The following CPQ variants were observed in gnomAD, a reference collection of about 807,000 sequenced individuals.
CPQ encodes the protein carboxypeptidase Q.
CPQ carries 37 observed loss-of-function variants against 45.7 expected under a neutral mutation model. The observed-to-expected ratio is 0.81, with a 90% CI of 0.62 to 1.07. The LOEUF is 1.07. CPQ is among the 50% of genes least tolerant of loss of function. The pLI is 0.00. For missense variants in CPQ, 537 were observed against 572.9 expected (o/e 0.94, Z 0.64); for synonymous variants, 186 against 205.8 (o/e 0.90, Z 0.82).
At chr8:97,011,869 A>G (rs773280898) in intron 5 of CPQ, among the ~76,000 whole-genome samples, 3 of 152,092 alleles carry the variant, frequency 2.0e-5, no homozygotes, top group Non-Finnish European at 4.4e-5. Flanking sequence ...CCACTATGCC[A>G]TTACTCTCAT....
At chr8:96,667,566 A>T (rs572880100) in intron 1 of CPQ, among the ~76,000 whole-genome samples, 1 of 151,754 alleles carries the variant, frequency 6.6e-6, no homozygotes, top group African/African-American at 2.4e-5. Flanking sequence ...GGCCAGGCTG[A>T]TCTCAAACTC....
At chr8:96,851,085 A>G (rs1357984692) in intron 3 of CPQ, among the ~76,000 whole-genome samples, 4 of 152,034 alleles carry the variant, frequency 2.6e-5, no homozygotes, top group East Asian at 1.9e-4. Context: ...TGGATGCTTC[A>G]TAAATATCAC....
At chr8:96,744,360 A>C (rs1400669976) in intron 1 of CPQ, among the ~76,000 whole-genome samples, 1 of 152,206 alleles carries the variant, frequency 6.6e-6, no homozygotes, top group African/African-American at 2.4e-5. Flanking sequence ...GCACCCACTG[A>C]CCTGTGCCCA....
At chr8:97,085,121 C>T (rs766221600) in intron 7 of CPQ, among the ~76,000 whole-genome samples, 16 of 152,036 alleles carry the variant, frequency 1.1e-4, no homozygotes, top group Non-Finnish European at 2.2e-4. Context: ...TGGTGGCCCA[C>T]ACCTGTAATA....
At chr8:96,867,343 C>A (rs755165948) in intron 3 of CPQ, among the ~76,000 whole-genome samples, 3 of 152,022 alleles carry the variant, frequency 2.0e-5, no homozygotes, top group Non-Finnish European at 4.4e-5. Flanking sequence ...CTGCTTAACT[C>A]ATCACTATTA....
intron 7 of CPQ, among the ~76,000 whole-genome samples, chr8:97,081,836 T>G (rs560413128): frequency 6.6e-6 from 1 of 152,298 alleles, no homozygotes; most frequent in Non-Finnish European, 1.5e-5. Context: ...GCTCTACTAC[T>G]TTTTAGCTGT....
chr8:97,032,466 G>T (rs1809924023), intron 6 of CPQ, among the ~76,000 whole-genome samples: 1 of 152,184 alleles, frequency 6.6e-6, no homozygotes, highest in Non-Finnish European at 1.5e-5. Flanking sequence ...AGAGGCTAGG[G>T]CATACAGGCA....
chr8:97,003,245 T>TAACC (rs1809315735), intron 5 of CPQ, among the ~76,000 whole-genome samples: 1 of 152,140 alleles, frequency 6.6e-6, no homozygotes, highest in Non-Finnish European at 1.5e-5. Context: ...TTGGGGCATT[T>TAACC]AACCCATTTA....
chr8:97,115,212 G>A (rs780825006), intron 7 of CPQ, among the ~76,000 whole-genome samples: 1 of 152,154 alleles, frequency 6.6e-6, no homozygotes, highest in Non-Finnish European at 1.5e-5. Context: ...ATTGCACAAA[G>A]CTCAAGGTCC....
intron 2 of CPQ, among the ~76,000 whole-genome samples, chr8:96,828,964 C>T (rs1811412052): frequency 6.6e-6 from 1 of 152,076 alleles, no homozygotes; most frequent in African/African-American, 2.4e-5. Context: ...GCAGTCTATG[C>T]TTATGGCTGC....
intron 1 of CPQ, among the ~76,000 whole-genome samples, chr8:96,744,792 T>C (rs750241611): frequency 1.3e-5 from 2 of 152,226 alleles, no homozygotes; most frequent in Non-Finnish European, 1.5e-5. Context: ...TTTAACCAGG[T>C]AATCTAGGCA....
chr8:96,743,095 G>A (rs1041994147), intron 1 of CPQ, among the ~76,000 whole-genome samples: 6 of 152,026 alleles, frequency 3.9e-5, no homozygotes, highest in South Asian at 2.1e-4. Flanking sequence ...CCATTCTCCC[G>A]GTCACTTTCA....
chr8:96,934,245 A>G (rs73698823), intron 4 of CPQ, among the ~76,000 whole-genome samples: 12,151 of 152,214 alleles, frequency 0.08, 939 homozygotes, highest in African/African-American at 0.21. Context: ...TAAGTGAGAG[A>G]AACACACAAC....
intron 2 of CPQ, among the ~76,000 whole-genome samples, chr8:96,816,839 G>C (rs922233696): frequency 2.6e-5 from 4 of 152,074 alleles, no homozygotes; most frequent in Non-Finnish European, 5.9e-5. Context: ...CATCTCAAGA[G>C]TGGGCTTAAA....
At chr8:97,126,329 T>C (rs1811847436) in intron 7 of CPQ, among the ~76,000 whole-genome samples, 1 of 152,226 alleles carries the variant, frequency 6.6e-6, no homozygotes, top group African/African-American at 2.4e-5. Flanking sequence ...CAGATGTACT[T>C]ACAGAAGTAA....
chr8:96,871,303 G>A (rs1812064192), intron 3 of CPQ, among the ~76,000 whole-genome samples: 2 of 152,012 alleles, frequency 1.3e-5, no homozygotes, highest in South Asian at 4.1e-4. Flanking sequence ...ATACACATGT[G>A]ATTGATATCA....
chr8:96,969,150 T>C (rs539619318), intron 5 of CPQ, among the ~76,000 whole-genome samples: 2 of 152,186 alleles, frequency 1.3e-5, no homozygotes, highest in South Asian at 4.1e-4. Context: ...ATGAAAGATA[T>C]GAGAATTAAC....
Position 96,694,318 on chromosome 8 carries a change from A to C in CPQ, c.-35+48916A>C, listed in dbSNP as rs535369771. Among the ~76,000 whole-genome samples, 3 of 152,064 alleles carry C rather than the reference A, an allele frequency of 2.0e-5. No homozygotes were observed. In the East Asian group the frequency reaches 5.8e-4, roughly 29 times the overall value. ...GGACAGAACTCTCCAATCAAAGGAC[A>C]TGGAGTAACTGAATGGTTTAAAAAA... On this transcript the variant is annotated intron_variant, in intron 1 of 7. Coordinates refer to ENST00000220763, the MANE Select transcript of CPQ (RefSeq NM_016134.4).
At chr8:96,717,059 AT>A (rs2130758901) in intron 1 of CPQ, among the ~76,000 whole-genome samples, 1 of 97,920 alleles carries the variant, frequency 1.0e-5, no homozygotes, top group Admixed American at 9.4e-5. Context: ...ATATATATAT[AT>A]ATATATATAT....
Sources: allele counts gnomAD v4.1 joint callset (sites outside exome capture counted in the v4.1 genomes callset), GRCh38; gene constraint gnomAD v4.1.1; transcripts MANE v1.5; gene names NCBI Gene and HGNC (gene_info 2026-07-23, HGNC 2026-07-21).